ACACA: variants seen among roughly 807,000 people sequenced by gnomAD.
ACACA encodes acetyl-CoA carboxylase 1.
A neutral mutation model predicts 296.1 loss-of-function variants in ACACA; 103 were observed. The ratio of observed to expected loss-of-function variants is 0.35; its 90% CI spans 0.30 to 0.41. ACACA has a LOEUF of 0.41. Ranked by LOEUF, ACACA falls within the 10% of genes least tolerant of loss-of-function variation. The probability of loss-of-function intolerance (pLI) is 1.00; values close to 1 mark genes in which losing one functional copy is unlikely to be tolerated. For missense variants in ACACA, 1,554 were observed against 2,989.7 expected (o/e 0.52, Z 11.20); for synonymous variants, 953 against 1,038.6 (o/e 0.92, Z 1.58).
chr17:37,250,723 G>C (rs1246873386), intron 16 of ACACA, among the ~76,000 whole-genome samples: 2 of 152,072 alleles, frequency 1.3e-5, no homozygotes, highest in Non-Finnish European at 2.9e-5. Flanking sequence ...CTTTATTTGA[G>C]AGTCTTTAAA....
In ACACA at chr17:37,244,703, A is replaced by G; in HGVS notation, c.2627T>C (p.Ile876Thr). The G allele has an allele frequency of 6.2e-7, 1 of 1,614,142 alleles. No homozygotes were observed. The highest frequency in any genetic ancestry group is 8.5e-7 in the Non-Finnish European group (1 of 1,180,026). Reference sequence around the variant, plus strand: ...CTCGCCTCTGAGTGCCGTGCTCTGGATCCGTGGCAGACTACCTGTGTGAAG... The same window carrying G: ...CTCGCCTCTGAGTGCCGTGCTCTGGGTCCGTGGCAGACTACCTGTGTGAAG... ...AELHTGSLPR[I>T]QSTALRGEKL... Residue 876 changes from isoleucine (I) to threonine (T), a missense_variant, in exon 21 of 56, where the codon ATC (isoleucine) becomes ACC (threonine). Ile to Thr is a moderately conservative substitution (Grantham distance 89). This residue lies in a region of ACACA where 316 missense variants were observed against 540.9 expected (regional missense o/e 0.58). Transcript: ENST00000616317.
chr17:37,113,295 A>T lies in ACACA; in HGVS notation c.6275-30T>A, dbSNP rs3815059. The T allele has an allele frequency of 0.21, 337,485 of 1,607,906 alleles. 46,742 individuals are homozygous for T. The highest frequency in any genetic ancestry group is 0.65 in the African/African-American group (48,377 of 74,830). The stretch of plus-strand genomic sequence containing the variant: ...GGAGAATGAGACAAATTAGAAATCA[A>T]GAAATTTCTCTTCCTCAAAGCAGTA... On this transcript the variant is annotated intron_variant, in intron 50 of 55. Transcript: ENST00000616317. The surrounding 1 kb of genome is among the most constrained non-coding windows in gnomAD (Gnocchi z 4.0).
intron 2 of ACACA, among the ~76,000 whole-genome samples, chr17:37,333,556 A>G (rs552959093): frequency 2.6e-5 from 4 of 152,186 alleles, no homozygotes; most frequent in African/African-American, 9.6e-5. Context: ...CAGGATGGCT[A>G]GCCACCAAAG....
At chr17:37,343,184 G>A (rs1181825869) in intron 1 of ACACA, among the ~76,000 whole-genome samples, 1 of 151,816 alleles carries the variant, frequency 6.6e-6, no homozygotes, top group African/African-American at 2.4e-5. Context: ...CACCATGTTG[G>A]CCAGGCTGGT....
chr17:37,143,685 C>A, intron 45 of ACACA: 1 of 885,444 alleles, frequency 1.1e-6, no homozygotes, highest in African/African-American at 1.7e-5. Flanking sequence ...CCAACTTATT[C>A]ATCATCATCA....
At chr17:37,306,359 TG>T (rs2146952013) in intron 3 of ACACA, among the ~76,000 whole-genome samples, 1 of 152,304 alleles carries the variant, frequency 6.6e-6, no homozygotes, top group South Asian at 2.1e-4. Flanking sequence ...CAGCTATACC[TG>T]GAAGTCCTCC....
At chr17:37,361,041 T>TC (rs1491395724) in intron 1 of ACACA, among the ~76,000 whole-genome samples, 2 of 114,728 alleles carry the variant, frequency 1.7e-5, no homozygotes, top group Non-Finnish European at 3.3e-5. Flanking sequence ...CCCAGGATTC[T>TC]TTTTTTTTTT....
intron 1 of ACACA, among the ~76,000 whole-genome samples, chr17:37,361,351 T>C (rs2049398314): frequency 1.3e-5 from 2 of 152,128 alleles, no homozygotes; most frequent in Non-Finnish European, 1.5e-5. Flanking sequence ...GGATTCTTAA[T>C]GGTGTTGCTG....
Position 37,087,082 on chromosome 17 carries a change from G to C in ACACA, c.*234C>G, listed in dbSNP as rs921138295. ...TCCTGTGCAGGGAGTGGAGGACTAG[G>C]CCTGGCCAGGGTAATAAATACTGAA... On this transcript the variant is annotated 3_prime_UTR_variant, in exon 56 of 56. Coordinates refer to ENST00000616317, the MANE Select transcript of ACACA (RefSeq NM_198834.3). The C allele has an allele frequency of 6.4e-6, 4 of 620,866 alleles. No homozygotes were observed. The African/African-American group carries it at 7.3e-5, about 11-fold the overall frequency. 38.5% of individuals were successfully genotyped at this position (620,866 alleles called of 1,614,324 possible). A position where few individuals can be genotyped will look rare whatever the true frequency, so the allele number is the denominator to read the frequency against.
intron 11 of ACACA, 68 bp downstream of exon 11, chr17:37,263,617 T>A (rs1309729350): frequency 1.5e-6 from 2 of 1,300,806 alleles, no homozygotes; most frequent in Non-Finnish European, 2.2e-6. Context: ...GTTCTCAGAT[T>A]GGTACATGAA....
intron 25 of ACACA, among the ~76,000 whole-genome samples, chr17:37,230,027 C>T (rs1261003906): frequency 6.6e-6 from 1 of 151,642 alleles, no homozygotes; most frequent in Non-Finnish European, 1.5e-5. Flanking sequence ...CGTCATTGCA[C>T]TACAGCCTGG....
At chr17:37,245,821 T>C (rs559367382) in intron 19 of ACACA, among the ~76,000 whole-genome samples, 2 of 152,190 alleles carry the variant, frequency 1.3e-5, no homozygotes, top group Non-Finnish European at 2.9e-5. Context: ...TTTCAGAGAT[T>C]ACCTGCTGCC....
At chr17:37,310,469 T>C (rs1436763687) in intron 3 of ACACA, among the ~76,000 whole-genome samples, 1 of 152,088 alleles carries the variant, frequency 6.6e-6, no homozygotes, top group Non-Finnish European at 1.5e-5. Context: ...ATCATCAGCA[T>C]ATAAGCAGTA....
intron 8 of ACACA, 30 bp from the exon 9 acceptor site, chr17:37,274,329 T>C (rs1414578657): frequency 6.4e-7 from 1 of 1,558,388 alleles, no homozygotes; most frequent in African/African-American, 1.4e-5. Flanking sequence ...CTTAGGGCAA[T>C]TACAAGATCT....
In ACACA at chr17:37,162,120, G is replaced by A. The variant is rs1010615052; in HGVS notation, c.5080-70C>T. The A allele has an allele frequency of 2.6e-6, 4 of 1,545,508 alleles. No individual in the cohort carries two copies. The African/African-American group carries it at 5.4e-5, about 21-fold the overall frequency. ...CAGAATTTTTTTCAGGTTCATTGAA[G>A]GTATCAGAGTATACCTAGGCACAGC... On this transcript the variant is annotated intron_variant, in intron 41 of 55. Coordinates refer to ENST00000616317, the MANE Select transcript of ACACA (RefSeq NM_198834.3).
intron 52 of ACACA, among the ~76,000 whole-genome samples, chr17:37,103,931 A>G (rs2073516731): frequency 6.6e-6 from 1 of 152,094 alleles, no homozygotes; most frequent in Non-Finnish European, 1.5e-5. Flanking sequence ...AGTCCCAGAG[A>G]TACTCTGGTG....
In ACACA at chr17:37,179,272, T is replaced by C; in HGVS notation, c.5067A>G (p.Pro1689=). The C allele has an allele frequency of 6.2e-7, 1 of 1,614,126 alleles. No individual in the cohort carries two copies. The highest frequency in any genetic ancestry group is 8.5e-7 in the Non-Finnish European group (1 of 1,180,006). ...QGQLVHMNRL[P]GGNEIGMVAW... Reference sequence around the variant, plus strand: ...TTCAACTACTTGCCTCATTTCCTCCTGGAAGCCTGTTCATGTGGACCAGCT... The same window carrying C: ...TTCAACTACTTGCCTCATTTCCTCCCGGAAGCCTGTTCATGTGGACCAGCT... The change falls in exon 41 of 56, where the codon CCA becomes CCG. Residue 1689 remains proline, a synonymous_variant. Coordinates refer to ENST00000616317, the MANE Select transcript of ACACA (RefSeq NM_198834.3).
intron 41 of ACACA, among the ~76,000 whole-genome samples, chr17:37,167,119 ATTTTTTTTTTT>A (rs11290127): frequency 6.9e-5 from 7 of 101,350 alleles, no homozygotes; most frequent in African/African-American, 1.1e-4. Context: ...TAATTTTTGC[ATTTTTTTTTTT>A]TTTTTTTTTT....
chr17:37,400,036 G>A (rs143416052), intron 1 of ACACA, among the ~76,000 whole-genome samples: 508 of 152,042 alleles, frequency 3.3e-3, no homozygotes, highest in Non-Finnish European at 5.3e-3. Context: ...ACCCATTACC[G>A]CAAATACTTA....
Sources: allele counts gnomAD v4.1 joint callset (sites outside exome capture counted in the v4.1 genomes callset), GRCh38; gene constraint gnomAD v4.1.1; regional missense constraint gnomAD v4.1.1; non-coding constraint Gnocchi (gnomAD v3.1); transcripts MANE v1.5; gene names NCBI Gene and HGNC (gene_info 2026-07-23, HGNC 2026-07-21).